Variants in RBMS3 observed in about 807,000 individuals in gnomAD.
RBMS3 encodes the protein RNA-binding motif, single-stranded-interacting protein 3.
RBMS3 carries 27 observed loss-of-function variants against 66.8 expected under a neutral mutation model. The ratio of observed to expected loss-of-function variants is 0.40; its 90% CI spans 0.30 to 0.56. RBMS3 has a LOEUF of 0.56. RBMS3 is among the 20% of genes least tolerant of loss of function. RBMS3 has a pLI of 0.40. For synonymous variants in RBMS3, 188 were observed against 183.0 expected, an observed-to-expected ratio of 1.03 and a Z score of -0.22; for missense variants, 513 against 549.5, an observed-to-expected ratio of 0.93 and a Z score of 0.66.
At chr3:29,447,587 G>A (rs1376364580) in intron 2 of RBMS3, among the ~76,000 whole-genome samples, 1 of 152,276 alleles carries the variant, frequency 6.6e-6, no homozygotes, top group East Asian at 1.9e-4. Context: ...GAATAGTAAA[G>A]ATAGTTAAAT....
intron 5 of RBMS3, among the ~76,000 whole-genome samples, chr3:29,747,648 T>C (rs562527919): frequency 2.6e-5 from 4 of 152,082 alleles, no homozygotes; most frequent in Non-Finnish European, 5.9e-5. Context: ...CCAGGAAAAA[T>C]TAGGCATGTG....
intron 1 of RBMS3, among the ~76,000 whole-genome samples, chr3:29,387,226 T>A (rs535068715): frequency 6.6e-6 from 1 of 152,172 alleles, no homozygotes; most frequent in Non-Finnish European, 1.5e-5. Context: ...AACTCCAGGT[T>A]ATAAAAAACT....
chr3:29,603,260 T>G (rs2048207421), intron 4 of RBMS3, among the ~76,000 whole-genome samples: 1 of 151,952 alleles, frequency 6.6e-6, no homozygotes, highest in Non-Finnish European at 1.5e-5. Context: ...AGAGCCTAAT[T>G]TATTAAAATC....
chr3:29,468,593 A>G (rs575132626), intron 2 of RBMS3, among the ~76,000 whole-genome samples: 3 of 152,230 alleles, frequency 2.0e-5, no homozygotes, highest in East Asian at 1.9e-4. Context: ...TGTATCTTCT[A>G]ATTTTGTCTC....
intron 14 of RBMS3, among the ~76,000 whole-genome samples, chr3:30,001,019 C>T (rs543767727): frequency 1.3e-5 from 2 of 149,916 alleles, no homozygotes; most frequent in African/African-American, 2.5e-5. Flanking sequence ...GCATATGTAT[C>T]CCAGAACTTA....
chr3:29,707,133 A>G (rs940689557), intron 4 of RBMS3, among the ~76,000 whole-genome samples: 3 of 152,202 alleles, frequency 2.0e-5, no homozygotes, highest in Non-Finnish European at 4.4e-5. Flanking sequence ...GTCTTTCATA[A>G]AAGATGACTT....
At chr3:29,750,403 T>A (rs1328898812) in intron 5 of RBMS3, among the ~76,000 whole-genome samples, 1 of 152,152 alleles carries the variant, frequency 6.6e-6, no homozygotes, top group Non-Finnish European at 1.5e-5. Context: ...TGACAAGAAA[T>A]TTAATTATTT....
chr3:29,986,505 G>A (rs777409441), intron 12 of RBMS3, among the ~76,000 whole-genome samples: 22 of 152,180 alleles, frequency 1.4e-4, no homozygotes, highest in Admixed American at 4.6e-4. Flanking sequence ...TTTACTCTCA[G>A]TATAGCTAGT....
intron 5 of RBMS3, among the ~76,000 whole-genome samples, chr3:29,752,130 AG>A (rs2055210388): frequency 6.6e-6 from 1 of 152,140 alleles, no homozygotes; most frequent in African/African-American, 2.4e-5. Flanking sequence ...GTGTGGTGGA[AG>A]TAGTTCTCAG....
intron 6 of RBMS3, among the ~76,000 whole-genome samples, chr3:29,801,806 G>T (rs1213692973): frequency 1.3e-5 from 2 of 152,034 alleles, no homozygotes; most frequent in East Asian, 1.9e-4. Flanking sequence ...AGGCCTTAAA[G>T]ACTGGCCTGG....
chr3:29,547,176 G>A (rs2045987462), intron 3 of RBMS3, among the ~76,000 whole-genome samples: 2 of 152,052 alleles, frequency 1.3e-5, no homozygotes, highest in Non-Finnish European at 2.9e-5. Flanking sequence ...CATTGTCCAG[G>A]CTGGTTTTGA....
At chr3:29,755,579 G>A (rs541206390) in intron 5 of RBMS3, among the ~76,000 whole-genome samples, 116 of 152,280 alleles carry the variant, frequency 7.6e-4, no homozygotes, top group Non-Finnish European at 1.4e-3. Flanking sequence ...AGAGGGAAAC[G>A]TTTACCACCC....
intron 1 of RBMS3, among the ~76,000 whole-genome samples, chr3:29,364,381 A>G (rs576758591): frequency 3.3e-5 from 5 of 152,332 alleles, no homozygotes; most frequent in East Asian, 1.9e-4. Context: ...GACCGTGACT[A>G]TATTTTATAA....
At chr3:29,999,092 A>C (rs181496629) in intron 14 of RBMS3, among the ~76,000 whole-genome samples, 8 of 152,262 alleles carry the variant, frequency 5.3e-5, no homozygotes, top group Non-Finnish European at 7.3e-5. Context: ...CCCATCAAAA[A>C]GTGGGCAAAG....
chr3:29,730,308 CG>C (rs1224399648), intron 4 of RBMS3, among the ~76,000 whole-genome samples: 1 of 82,734 alleles, frequency 1.2e-5, no homozygotes, highest in Non-Finnish European at 2.3e-5. Context: ...GTGTTCTGGG[CG>C]GGGGGCGGGG....
chr3:29,335,491 C>G (rs76958110), intron 1 of RBMS3, among the ~76,000 whole-genome samples: 1 of 152,134 alleles, frequency 6.6e-6, no homozygotes, highest in South Asian at 2.1e-4. Context: ...TTTCAAGGGT[C>G]TAAAAGGGAA....
chr3:29,759,914 T>C (rs2055591623), intron 5 of RBMS3, among the ~76,000 whole-genome samples: 1 of 152,082 alleles, frequency 6.6e-6, no homozygotes, highest in African/African-American at 2.4e-5. Flanking sequence ...GGTTTGACAC[T>C]AAGCGCCGGC....
chr3:29,333,189 G>T (rs902958214), intron 1 of RBMS3, among the ~76,000 whole-genome samples: 7 of 152,090 alleles, frequency 4.6e-5, no homozygotes, highest in African/African-American at 1.2e-4. Flanking sequence ...AAGGGAAAAG[G>T]TTCTGGCAAA....
intron 1 of RBMS3, among the ~76,000 whole-genome samples, chr3:29,292,168 C>T (rs1423726295): frequency 6.6e-6 from 1 of 151,690 alleles, no homozygotes; most frequent in East Asian, 1.9e-4. Context: ...TCAGCAGATG[C>T]AATGAATCAG....
Sources: gnomAD v4.1 joint callset for allele counts (sites outside exome capture counted in the v4.1 genomes callset) on GRCh38, gnomAD v4.1.1 for gene constraint, MANE v1.5 for transcripts, NCBI Gene and HGNC (gene_info 2026-07-23, HGNC 2026-07-21) for gene names.